OCRL: variants seen among roughly 807,000 people sequenced by gnomAD.
OCRL encodes the protein OCRL inositol polyphosphate-5-phosphatase.
Under a neutral mutation model 78.9 loss-of-function variants are expected in OCRL, and 8 were observed. The observed-to-expected ratio is 0.10, with a 90% confidence interval of 0.06 to 0.18. OCRL has a LOEUF of 0.18. Among genes scored for constraint, OCRL ranks in the 10% least tolerant of loss-of-function variants. The probability of loss-of-function intolerance (pLI) is 1.00; values close to 1 mark genes in which losing one functional copy is unlikely to be tolerated. For synonymous variants in OCRL, 240 were observed against 235.4 expected (o/e 1.02, Z -0.18); for missense variants, 454 against 696.7 (o/e 0.65, Z 3.92).
intron 4 of OCRL, among the ~76,000 whole-genome samples, chrX:129,548,962 AT>A (rs768830639): frequency 2.5e-4 from 28 of 111,595 alleles, no homozygotes; most frequent in African/African-American, 8.1e-4. Flanking sequence ...TTTTTTGGTC[AT>A]TTTTTAACTG....
intron 7 of OCRL, 21 bp from the exon 8 acceptor site, chrX:129,558,819 A>C (rs772481651): frequency 1.7e-6 from 2 of 1,211,884 alleles, no homozygotes; most frequent in Non-Finnish European, 1.1e-6. Context: ...TTTACTTTTG[A>C]ATCTCTCATT....
intron 19 of OCRL, among the ~76,000 whole-genome samples, chrX:129,584,958 C>T (rs1483640026): frequency 9.0e-6 from 1 of 111,610 alleles, no homozygotes; most frequent in Non-Finnish European, 1.9e-5. Flanking sequence ...AAGTCATGCA[C>T]TGTACCCACT....
chrX:129,567,397 TAAGG>T, intron 14 of OCRL, 34 bp downstream of exon 14: 3 of 989,451 alleles, frequency 3.0e-6, no homozygotes, highest in Non-Finnish European at 4.3e-6. Flanking sequence ...CAGAGAAGGT[TAAGG>T]CTTGATCTTA....
intron 2 of OCRL, among the ~76,000 whole-genome samples, chrX:129,541,530 T>C (rs1244840102): frequency 1.8e-5 from 2 of 112,271 alleles, no homozygotes; most frequent in African/African-American, 3.2e-5. Flanking sequence ...CAAAAGATTA[T>C]TTTGATAAGC....
chrX:129,584,402 C>T (rs1352672196), intron 19 of OCRL, 35 bp downstream of exon 19: 10 of 1,169,567 alleles, frequency 8.6e-6, no homozygotes, highest in Non-Finnish European at 3.5e-6. Context: ...GAGAGTTTCC[C>T]TGTGCTTGAT....
chrX:129,589,684 G>A (rs887515454), intron 22 of OCRL, 161 bp from the exon 23 acceptor site: 34 of 470,466 alleles, frequency 7.2e-5, no homozygotes, highest in Middle Eastern at 5.6e-4. Context: ...GTTATAATTT[G>A]GAAGGTATTG....
chrX:129,587,844 G>T (rs1936533666), intron 20 of OCRL, among the ~76,000 whole-genome samples: 1 of 108,939 alleles, frequency 9.2e-6, no homozygotes, highest in Non-Finnish European at 1.9e-5. Flanking sequence ...AGACCAGCCT[G>T]GGCAACACGG....
At position 129,576,301 on chromosome X, in the gene OCRL, A is replaced by G. The variant is rs767407482; in HGVS notation, c.1880-16A>G. The G allele has an allele frequency of 8.5e-7, 1 of 1,173,331 alleles. No homozygotes were observed. The highest frequency in any genetic ancestry group is 1.2e-6 in the Non-Finnish European group (1 of 860,691). On this transcript the variant is annotated splice_polypyrimidine_tract_variant and intron_variant, in intron 17 of 23. Transcript: ENST00000371113. ...GGAGGTTTTCCTATTACCATGTATC[A>G]TCTCTTACATTTCAGATGAGACAGT...
chrX:129,575,010 G>A, intron 15 of OCRL, 130 bp from the exon 16 acceptor site: 3 of 513,792 alleles, frequency 5.8e-6, no homozygotes, highest in Non-Finnish European at 1.1e-5. Flanking sequence ...GAGAGTGTTT[G>A]AGGATGTTGT....
chrX:129,558,494 A>G, intron 6 of OCRL, 139 bp from the exon 7 acceptor site: 1 of 702,908 alleles, frequency 1.4e-6, no homozygotes, highest in East Asian at 3.2e-5. Flanking sequence ...ACTCCAATCC[A>G]AGTAATTTCT....
At chrX:129,560,452 A>G in intron 8 of OCRL, 98 bp from the exon 9 acceptor site, 2 of 534,112 alleles carry the variant, frequency 3.7e-6, no homozygotes, top group South Asian at 2.5e-5. Context: ...ATGTTAGCAT[A>G]TTGTGAACAT....
intron 12 of OCRL, among the ~76,000 whole-genome samples, chrX:129,565,546 A>C (rs1245079761): frequency 8.9e-6 from 1 of 112,044 alleles, no homozygotes; most frequent in African/African-American, 3.2e-5. Flanking sequence ...TCCCAGTTTC[A>C]TTCTTCATGT....
chrX:129,553,564 T>C (rs1169294111), intron 4 of OCRL, among the ~76,000 whole-genome samples: 1 of 112,137 alleles, frequency 8.9e-6, no homozygotes, highest in Non-Finnish European at 1.9e-5. Context: ...GTAAGATTAC[T>C]GAGAGAATCA....
chrX:129,569,840 C>CTTTTTTTTTTTT (rs139960777), intron 15 of OCRL, among the ~76,000 whole-genome samples: 1 of 83,819 alleles, frequency 1.2e-5, no homozygotes, highest in Non-Finnish European at 2.4e-5. Context: ...CTTATTTTTT[C>CTTTTTTTTTTTT]TTTTTTTTTT....
At chrX:129,588,421 C>G (rs1437895518) in intron 21 of OCRL, among the ~76,000 whole-genome samples, 158 bp downstream of exon 21, 1 of 112,182 alleles carries the variant, frequency 8.9e-6, no homozygotes, top group East Asian at 2.8e-4. Flanking sequence ...CATTTCCTTT[C>G]AGGAACTTTT....
At chrX:129,543,008 A>G (rs749982529) in intron 2 of OCRL, among the ~76,000 whole-genome samples, 16 of 111,858 alleles carry the variant, frequency 1.4e-4, no homozygotes, top group African/African-American at 4.2e-4. Flanking sequence ...CATATTTTTC[A>G]AGGATAATAG....
chrX:129,549,559 T>TA (rs1935932857), intron 4 of OCRL: 1 of 111,329 alleles, frequency 9.0e-6, no homozygotes, highest in Admixed American at 9.5e-5. Context: ...TTAGAAGTCT[T>TA]AAAGGCTGTG....
intron 18 of OCRL, among the ~76,000 whole-genome samples, chrX:129,583,083 G>A (rs1021886181): frequency 6.3e-5 from 7 of 111,735 alleles, no homozygotes; most frequent in African/African-American, 2.3e-4. Flanking sequence ...ATCACCCATT[G>A]GTTTTAGGCT....
Position 129,569,541 on chromosome X carries a change from G to C in OCRL, c.1602+142G>C, listed in dbSNP as rs151184562. On this transcript the variant is annotated intron_variant, in intron 15 of 23. Transcript: ENST00000371113. Reference sequence around the variant, plus strand: ...AACCATTTGCAGCATTGAGAGGTTAGTGCCCCCAACCCTCCCAAATGCTGT... The same window carrying C: ...AACCATTTGCAGCATTGAGAGGTTACTGCCCCCAACCCTCCCAAATGCTGT... The C allele has an allele frequency of 1.5e-4, 97 of 664,289 alleles. No individual in the cohort carries two copies. The African/African-American group carries it at 2.0e-3, about 14-fold the overall frequency. 54.7% of individuals were successfully genotyped at this position (664,289 alleles called of 1,213,427 possible). A position where few individuals can be genotyped will look rare whatever the true frequency, so the allele number is the denominator to read the frequency against.
Sources: gnomAD v4.1 joint callset for allele counts (sites outside exome capture counted in the v4.1 genomes callset) on GRCh38, gnomAD v4.1.1 for gene constraint, MANE v1.5 for transcripts, NCBI Gene and HGNC (gene_info 2026-07-23, HGNC 2026-07-21) for gene names.